ALDH7A1: variants seen among roughly 807,000 people sequenced by gnomAD.
ALDH7A1 encodes the protein alpha-aminoadipic semialdehyde dehydrogenase.
ALDH7A1 carries 63 observed loss-of-function variants against 79.9 expected under a neutral mutation model. That is an observed-to-expected ratio of 0.79 (90% CI 0.64 to 0.97). ALDH7A1 has a LOEUF of 0.97. Among genes scored for constraint, ALDH7A1 ranks in the 50% least tolerant of loss-of-function variants. ALDH7A1 has a pLI of 0.00. For synonymous variants in ALDH7A1, 240 were observed against 231.2 expected (o/e 1.04, Z -0.34); for missense variants, 627 against 665.2 (o/e 0.94, Z 0.63).
chr5:126,581,113 C>T (rs1751158447), intron 5 of ALDH7A1: 1 of 151,410 alleles, frequency 6.6e-6, no homozygotes, highest in South Asian at 2.1e-4. Flanking sequence ...TGTGAGCCAT[C>T]TTGTCCAGCT....
intron 9 of ALDH7A1, chr5:126,562,541 T>C (rs1449161629): frequency 6.6e-6 from 1 of 151,358 alleles, no homozygotes; most frequent in African/African-American, 2.4e-5. Flanking sequence ...AAAATCCTAC[T>C]ACATGCTACA....
intron 8 of ALDH7A1, 170 bp downstream of exon 8, chr5:126,570,612 G>A: frequency 2.8e-6 from 2 of 709,418 alleles, no homozygotes; most frequent in South Asian, 3.1e-5. Flanking sequence ...TCCTCCAATA[G>A]GAGTTAGGCA....
At chr5:126,556,087 TGATA>T (rs1750186579) in intron 11 of ALDH7A1, 72 bp from the exon 12 acceptor site, 3 of 969,406 alleles carry the variant, frequency 3.1e-6, no homozygotes, top group Middle Eastern at 2.3e-4. Context: ...ATAATTTCCT[TGATA>T]GTTACTGAAA....
chr5:126,556,884 G>A (rs1750214240), intron 11 of ALDH7A1, among the ~76,000 whole-genome samples: 1 of 152,164 alleles, frequency 6.6e-6, no homozygotes, highest in Non-Finnish European at 1.5e-5. Flanking sequence ...ATGAGAACTA[G>A]TCATGAAGCA....
chr5:126,550,110 C>T lies in ALDH7A1; in HGVS notation c.1415+86G>A, dbSNP rs562958031. 368 of 1,543,804 alleles carry T rather than the reference C, an allele frequency of 2.4e-4. 1 individual carries two copies. The East Asian group carries it at 8.2e-3, about 34-fold the overall frequency. Reference sequence around the variant, plus strand: ...CTCAAAGGCTTTCAATACTGAAAAACTGATTTTAGACTACAGCAGTTTTTT... The same window carrying T: ...CTCAAAGGCTTTCAATACTGAAAAATTGATTTTAGACTACAGCAGTTTTTT... On this transcript the variant is annotated intron_variant, in intron 15 of 17. Transcript: ENST00000409134.
intron 5 of ALDH7A1, chr5:126,582,650 T>C (rs1751215367): frequency 4.6e-6 from 3 of 658,038 alleles, no homozygotes; most frequent in Admixed American, 6.1e-5. Context: ...ACATTAAGTT[T>C]TATCTTTAAA....
intron 13 of ALDH7A1, among the ~76,000 whole-genome samples, chr5:126,553,648 T>G (rs771522413): frequency 6.7e-6 from 1 of 149,630 alleles, no homozygotes; most frequent in East Asian, 2.0e-4. Context: ...GGAGGCGAGG[T>G]TGCAGTGAGC....
At chr5:126,551,927 C>T (rs1047333304) in intron 14 of ALDH7A1, 94 bp downstream of exon 14, 1 of 1,000,744 alleles carries the variant, frequency 1.0e-6, no homozygotes, top group African/African-American at 1.6e-5. Context: ...TTCTAAAACC[C>T]TCTTAAAGGT....
intron 14 of ALDH7A1, among the ~76,000 whole-genome samples, chr5:126,551,548 C>T (rs1392479157): frequency 1.3e-5 from 2 of 152,076 alleles, no homozygotes; most frequent in African/African-American, 2.4e-5. Flanking sequence ...GTCTCGAACT[C>T]CTGACCTCAG....
chr5:126,589,687 C>A (rs1561670811), intron 3 of ALDH7A1, among the ~76,000 whole-genome samples: 1 of 151,130 alleles, frequency 6.6e-6, no homozygotes, highest in Non-Finnish European at 1.5e-5. Context: ...AGCCACCGCC[C>A]CATCTGGGAT....
chr5:126,593,986 C>T (rs1561673360), intron 1 of ALDH7A1: 2 of 284,346 alleles, frequency 7.0e-6, no homozygotes, highest in Non-Finnish European at 1.4e-5. Context: ...AGACGTGTTC[C>T]CTCTACCAAG....
At chr5:126,554,172 A>G (rs2112759542) in intron 13 of ALDH7A1, 115 bp downstream of exon 13, 2 of 770,664 alleles carry the variant, frequency 2.6e-6, no homozygotes, top group South Asian at 2.9e-5. Flanking sequence ...AAATAAAGAC[A>G]GGAGAAGAAG....
At chr5:126,577,515 G>A (rs1751018056) in intron 5 of ALDH7A1, among the ~76,000 whole-genome samples, 1 of 152,162 alleles carries the variant, frequency 6.6e-6, no homozygotes, top group African/African-American at 2.4e-5. Flanking sequence ...GGGTGCCCTA[G>A]GTGGTATGAT....
chr5:126,588,872 A>T (rs1751445263), intron 3 of ALDH7A1: 1 of 152,388 alleles, frequency 6.6e-6, no homozygotes, highest in African/African-American at 2.4e-5. Flanking sequence ...GCAAAACCTC[A>T]TCTCTACAAA....
chr5:126,548,423 C>CTTT (rs576390384), intron 16 of ALDH7A1, among the ~76,000 whole-genome samples: 11 of 141,072 alleles, frequency 7.8e-5, no homozygotes, highest in African/African-American at 1.3e-4. Context: ...CAGCCCAAAA[C>CTTT]TTTTTTTTTT....
At chr5:126,593,207 T>A in intron 2 of ALDH7A1, 144 bp downstream of exon 2, 1 of 1,369,220 alleles carries the variant, frequency 7.3e-7, no homozygotes, top group Non-Finnish European at 9.9e-7. Flanking sequence ...AATAAACACA[T>A]TATTCTCTTC....
intron 3 of ALDH7A1, among the ~76,000 whole-genome samples, chr5:126,585,768 G>A (rs1751340039): frequency 1.3e-5 from 2 of 152,054 alleles, no homozygotes; most frequent in Non-Finnish European, 2.9e-5. Context: ...TCACCATGTT[G>A]GTCAGGCTGG....
At chr5:126,574,023 C>CAAAAAAAAAAAAA (rs34601459) in intron 7 of ALDH7A1, among the ~76,000 whole-genome samples, 1 of 57,244 alleles carries the variant, frequency 1.7e-5, no homozygotes, top group African/African-American at 6.6e-5. Flanking sequence ...AAGACTGTCT[C>CAAAAAAAAAAAAA]AAAAAAAAAA....
intron 7 of ALDH7A1, among the ~76,000 whole-genome samples, chr5:126,574,331 C>T (rs1266824918): frequency 2.7e-5 from 4 of 150,704 alleles, no homozygotes; most frequent in Admixed American, 6.6e-5. Flanking sequence ...ACCAGGGAGT[C>T]GGAGGTTGCC....
Sources: allele counts gnomAD v4.1 joint callset (sites outside exome capture counted in the v4.1 genomes callset), GRCh38; gene constraint gnomAD v4.1.1; transcripts MANE v1.5; gene names NCBI Gene and HGNC (gene_info 2026-07-23, HGNC 2026-07-21).